Variants in MACO1 observed in about 807,000 individuals in gnomAD.
MACO1 encodes macoilin.
Under a neutral mutation model 78.7 loss-of-function variants are expected in MACO1, and 14 were observed. The observed-to-expected ratio is 0.18, with a 90% CI of 0.12 to 0.28. The LOEUF is 0.28. Ranked by LOEUF, MACO1 falls within the 10% of genes least tolerant of loss-of-function variation. The pLI is 1.00. For synonymous variants in MACO1, 288 were observed against 291.6 expected (o/e 0.99, Z 0.12); for missense variants, 501 against 799.0 (o/e 0.63, Z 4.50).
chr1:25,465,808 C>CT (rs1232178439), intron 6 of MACO1, among the ~76,000 whole-genome samples: 1 of 152,232 alleles, frequency 6.6e-6, no homozygotes, highest in Non-Finnish European at 1.5e-5. Flanking sequence ...TCATTCAACT[C>CT]TGTGTCCATG....
rs754086936 is a variant in MACO1, at chr1:25,498,452, C to T, written c.1981C>T (p.Pro661Ser). 6.2e-7 allele frequency: 1 copy of T among 1,609,370 alleles called. No individual in the cohort carries two copies. The highest frequency in any genetic ancestry group is 1.7e-5 in the Admixed American group (1 of 58,878). ...GLDPNASVYQPLKK is the reference protein window; with the variant it reads ...GLDPNASVYQSLKK The stretch of plus-strand genomic sequence containing the variant: ...TGACCCCAATGCCTCTGTTTACCAG[C>T]CCCTGAAGAAATGAAGGCCAGCTGT... Residue 661 changes from proline (P) to serine (S), a missense_variant, in exon 11 of 11, where the codon CCC (proline) becomes TCC (serine). By Grantham distance (74) the Pro-to-Ser change is moderately conservative (BLOSUM62 -1). Around this residue, in one of 5 missense-constraint regions of MACO1, gnomAD observed 66 missense variants for 101.6 expected, o/e 0.65. Transcript: ENST00000374343.
intron 5 of MACO1, among the ~76,000 whole-genome samples, 164 bp from the exon 6 acceptor site, chr1:25,458,227 A>T (rs941444663): frequency 1.3e-5 from 2 of 152,236 alleles, no homozygotes; most frequent in South Asian, 2.1e-4. Context: ...TACATCTTCT[A>T]GTAAACTATG....
chr1:25,489,420 T>G, intron 9 of MACO1, 127 bp downstream of exon 9: 2 of 1,090,896 alleles, frequency 1.8e-6, no homozygotes, highest in Non-Finnish European at 2.5e-6. Context: ...CTGAAAAATC[T>G]CTATGTGACA....
At chr1:25,474,109 C>T (rs2043298582) in intron 6 of MACO1, among the ~76,000 whole-genome samples, 1 of 152,194 alleles carries the variant, frequency 6.6e-6, no homozygotes, top group African/African-American at 2.4e-5. Flanking sequence ...TGACACCTAG[C>T]ATTTGGGGAG....
chr1:25,468,795 C>T (rs754424939), intron 6 of MACO1, among the ~76,000 whole-genome samples: 1 of 152,116 alleles, frequency 6.6e-6, no homozygotes, highest in Non-Finnish European at 1.5e-5. Flanking sequence ...TAGAGAGGCA[C>T]TTTGGGAGAT....
At chr1:25,440,927 G>A (rs529296517) in intron 1 of MACO1, among the ~76,000 whole-genome samples, 1 of 152,182 alleles carries the variant, frequency 6.6e-6, no homozygotes, top group Admixed American at 6.5e-5. Context: ...AGGCCAAATG[G>A]AGTGATAGTC....
In MACO1 at chr1:25,478,308, T is replaced by C. The variant is rs576422776; in HGVS notation, c.1155-5808T>C. ...TACCACCAGGTGTTCTTCCAGATAC[T>C]CAAAGATATTTTTCCTCTTTAGCCT... is the stretch of plus-strand genomic sequence containing the variant. On this transcript the variant is annotated intron_variant, in intron 6 of 10. Coordinates refer to ENST00000374343, the MANE Select transcript of MACO1 (RefSeq NM_018202.6). Among the ~76,000 whole-genome samples, 34 of 152,366 alleles carry C rather than the reference T, an allele frequency of 2.2e-4. No individual in the cohort carries two copies. In the South Asian group the frequency reaches 5.6e-3, roughly 25 times the overall value.
intron 1 of MACO1, among the ~76,000 whole-genome samples, chr1:25,441,447 A>G (rs1442775533): frequency 6.6e-6 from 1 of 152,188 alleles, no homozygotes; most frequent in Non-Finnish European, 1.5e-5. Flanking sequence ...AGCCTCCCAA[A>G]GTGCTGGGAT....
At chr1:25,488,651 A>G (rs2043456207) in intron 8 of MACO1, among the ~76,000 whole-genome samples, 1 of 150,920 alleles carries the variant, frequency 6.6e-6, no homozygotes, top group East Asian at 2.0e-4. Flanking sequence ...GTGCCACTAC[A>G]CCCAGCTAAT....
chr1:25,476,327 G>T (rs1276995387), intron 6 of MACO1, among the ~76,000 whole-genome samples: 2 of 152,134 alleles, frequency 1.3e-5, no homozygotes, highest in Admixed American at 1.3e-4. Flanking sequence ...TTGTAACATG[G>T]CTTCACCTAG....
intron 2 of MACO1, among the ~76,000 whole-genome samples, chr1:25,448,463 CAAAAAAG>C (rs1457563405): frequency 6.6e-6 from 1 of 150,586 alleles, no homozygotes; most frequent in Non-Finnish European, 1.5e-5. Context: ...GACTCCATCT[CAAAAAAG>C]AAAAAAGAAA....
intron 10 of MACO1, among the ~76,000 whole-genome samples, chr1:25,494,365 T>A (rs1168666103): frequency 6.6e-6 from 1 of 151,994 alleles, no homozygotes; most frequent in East Asian, 1.9e-4. Flanking sequence ...GGGAAAAACA[T>A]GTTGCCTGAG....
At chr1:25,487,216 C>T (rs1245996950) in intron 8 of MACO1, among the ~76,000 whole-genome samples, 16 of 152,194 alleles carry the variant, frequency 1.1e-4, no homozygotes, top group Admixed American at 2.6e-4. Flanking sequence ...TGCAGTGGCG[C>T]GATCTCAGCT....
At chr1:25,469,031 C>T (rs997467038) in intron 6 of MACO1, among the ~76,000 whole-genome samples, 5 of 151,786 alleles carry the variant, frequency 3.3e-5, no homozygotes, top group Admixed American at 6.6e-5. Context: ...TTAGTAGAGA[C>T]GGGGTTTCAC....
intron 3 of MACO1, among the ~76,000 whole-genome samples, chr1:25,453,036 G>A (rs577103696): frequency 9.6e-4 from 120 of 124,882 alleles, no homozygotes; most frequent in Admixed American, 3.7e-3. Flanking sequence ...ATGGAGTTTC[G>A]CTCTTGTTGC....
chr1:25,438,762 G>T (rs927213759), intron 1 of MACO1, among the ~76,000 whole-genome samples: 3 of 152,274 alleles, frequency 2.0e-5, no homozygotes, highest in Admixed American at 6.5e-5. Context: ...AATTAGCTGG[G>T]CGTGGTAGCA....
intron 3 of MACO1, among the ~76,000 whole-genome samples, chr1:25,450,970 TGGAGAA>T (rs1485457342): frequency 2.0e-5 from 3 of 152,188 alleles, no homozygotes; most frequent in Non-Finnish European, 2.9e-5. Context: ...ATCTTAGTAG[TGGAGAA>T]GAAACTAACC....
chr1:25,475,300 G>A (rs1007766146), intron 6 of MACO1, among the ~76,000 whole-genome samples: 2 of 152,120 alleles, frequency 1.3e-5, no homozygotes, highest in African/African-American at 2.4e-5. Flanking sequence ...AGCCAAGATC[G>A]TGCCACTGTA....
intron 10 of MACO1, among the ~76,000 whole-genome samples, chr1:25,493,215 C>G (rs1029090422): frequency 6.6e-6 from 1 of 152,066 alleles, no homozygotes; most frequent in Admixed American, 6.6e-5. Flanking sequence ...CAATATTTAC[C>G]TACTAGAAAT....
Sources: gnomAD v4.1 joint callset for allele counts (sites outside exome capture counted in the v4.1 genomes callset) on GRCh38, gnomAD v4.1.1 for gene constraint, gnomAD v4.1.1 regional missense constraint, MANE v1.5 for transcripts, NCBI Gene and HGNC (gene_info 2026-07-23, HGNC 2026-07-21) for gene names.